DNAH11: variants seen among roughly 807,000 people sequenced by gnomAD.
The protein encoded by DNAH11 is dynein axonemal heavy chain 11.
In DNAH11, 442 loss-of-function variants were observed where a neutral mutation model predicts 526.0. The observed-to-expected ratio is 0.84, with a 90% CI of 0.78 to 0.91. DNAH11 has a LOEUF of 0.91. DNAH11 is among the 40% of genes least tolerant of loss of function. The pLI is 0.00. For missense variants in DNAH11, 6,989 were observed against 5,448.7 expected (o/e 1.28, Z -8.90); for synonymous variants, 2,461 against 1,935.9 (o/e 1.27, Z -7.12).
At chr7:21,863,346 T>G (rs979682638) in intron 69 of DNAH11, among the ~76,000 whole-genome samples, 2 of 152,212 alleles carry the variant, frequency 1.3e-5, no homozygotes, top group Non-Finnish European at 2.9e-5. Context: ...TTGTTTGTTT[T>G]GAGACGGAGT....
At position 21,832,677 on chromosome 7, in the gene DNAH11, G is replaced by A. The variant is rs139458638; in HGVS notation, c.10692-9867G>A. On this transcript the variant is annotated intron_variant, in intron 65 of 81. Coordinates refer to ENST00000409508, the MANE Select transcript of DNAH11 (RefSeq NM_001277115.2). ...TAGTGGCTAATTGGAAAAATTAGCTGCTATTGCTTTGAGAAGAGATTACAC... is the reference window on the plus strand; with the variant it reads ...TAGTGGCTAATTGGAAAAATTAGCTACTATTGCTTTGAGAAGAGATTACAC... Among the ~76,000 whole-genome samples, 1,466 of 152,274 alleles carry A rather than the reference G, an allele frequency of 9.6e-3. 13 individuals carry two copies. Among genetic ancestry groups the A allele is most frequent in the Non-Finnish European group, 0.018 (1,208 of 68,022 alleles).
intron 20 of DNAH11, among the ~76,000 whole-genome samples, chr7:21,609,880 G>C (rs911912565): frequency 1.3e-5 from 2 of 152,170 alleles, no homozygotes; most frequent in African/African-American, 2.4e-5. Flanking sequence ...TTGGAGAGTG[G>C]GCTAGGGAAG....
At position 21,590,665 on chromosome 7, in the gene DNAH11, A is replaced by G. The variant is rs11768728; in HGVS notation, c.2170-253A>G. Among the ~76,000 whole-genome samples, 21,076 of 152,202 alleles carry G rather than the reference A, an allele frequency of 0.14. 1,531 individuals are homozygous for G. The highest frequency in any genetic ancestry group is 0.18 in the Middle Eastern group (53 of 294). ...ACATAGTTAACTGAGGATTCGTTCT[A>G]CTTTCTGATTTCATAAAACCAATTT... On this transcript the variant is annotated intron_variant, in intron 12 of 81. Transcript: ENST00000409508.
chr7:21,617,062 G>A (rs929464684), intron 22 of DNAH11, among the ~76,000 whole-genome samples: 1 of 152,026 alleles, frequency 6.6e-6, no homozygotes, highest in South Asian at 2.1e-4. Flanking sequence ...CCTTTATTTC[G>A]TGCTAAGTTC....
rs117685349 is a variant in DNAH11 at position 21,628,093 on chromosome 7, T to C, written c.4501-7778T>C. On this transcript the variant is annotated intron_variant, in intron 25 of 81. Transcript: ENST00000409508. ...TCTTGATTTCTTTTTTCAAATGTTT[T>C]CTGTTGGTACATATAAATGCAACTG... Among the ~76,000 whole-genome samples, 1,460 of 152,302 alleles carry C rather than the reference T, an allele frequency of 9.6e-3. 14 individuals carry two copies. The highest frequency in any genetic ancestry group is 0.018 in the Admixed American group (271 of 15,294).
intron 3 of DNAH11, 54 bp downstream of exon 3, chr7:21,559,052 C>T (rs775322103): frequency 1.0e-4 from 150 of 1,466,720 alleles, no homozygotes; most frequent in South Asian, 2.5e-4. Context: ...CAGGCCAGCA[C>T]GGTGGCTCAT....
At chr7:21,566,391 C>T (rs146761389) in intron 6 of DNAH11, among the ~76,000 whole-genome samples, 53 of 152,200 alleles carry the variant, frequency 3.5e-4, no homozygotes, top group Middle Eastern at 6.8e-3. Flanking sequence ...TGTTAGGAGT[C>T]AAAAGTTAAC....
chr7:21,855,205 G>A (rs1782796204), intron 68 of DNAH11, among the ~76,000 whole-genome samples: 1 of 151,882 alleles, frequency 6.6e-6, no homozygotes, highest in African/African-American at 2.4e-5. Flanking sequence ...CTAATTTTTT[G>A]TATTTTTAGA....
rs1026377539 is a variant in DNAH11 at position 21,861,836 on chromosome 7, C to T, written c.11203-17C>T. The T allele has an allele frequency of 1.2e-6, 2 of 1,609,364 alleles. No individual in the cohort carries two copies. Among genetic ancestry groups the T allele is most frequent in the Non-Finnish European group, 8.5e-7 (1 of 1,178,248 alleles). On this transcript the variant is annotated splice_polypyrimidine_tract_variant and intron_variant, in intron 68 of 81. Coordinates refer to ENST00000409508, the MANE Select transcript of DNAH11 (RefSeq NM_001277115.2). The stretch of plus-strand genomic sequence containing the variant: ...GCACCAGTTGTCACATTTTAATGGT[C>T]ACATTAAATTTCCCAGGCTTTTAAC...
At chr7:21,832,639 G>A (rs901446841) in intron 65 of DNAH11, among the ~76,000 whole-genome samples, 3 of 152,170 alleles carry the variant, frequency 2.0e-5, no homozygotes, top group Admixed American at 1.3e-4. Context: ...AGAGGAAGGA[G>A]CATCGTTATA....
chr7:21,736,405 G>A (rs557635917), intron 46 of DNAH11, among the ~76,000 whole-genome samples: 58 of 152,254 alleles, frequency 3.8e-4, no homozygotes, highest in South Asian at 2.1e-3. Flanking sequence ...GGAAATCACC[G>A]AAAGAGCTGA....
chr7:21,634,522 G>T (rs1203726825), intron 25 of DNAH11, among the ~76,000 whole-genome samples: 4 of 152,206 alleles, frequency 2.6e-5, no homozygotes, highest in Non-Finnish European at 5.9e-5. Context: ...ATTGTACTCA[G>T]TGACTTTCTG....
intron 25 of DNAH11, among the ~76,000 whole-genome samples, chr7:21,622,984 G>C (rs1023224572): frequency 6.6e-6 from 1 of 151,888 alleles, no homozygotes; most frequent in African/African-American, 2.4e-5. Flanking sequence ...TAATTAAACT[G>C]AAGAGCTTCT....
At chr7:21,583,605 C>T (rs545020263) in intron 9 of DNAH11, among the ~76,000 whole-genome samples, 12 of 152,232 alleles carry the variant, frequency 7.9e-5, no homozygotes, top group South Asian at 2.1e-4. Context: ...AACTAAAATG[C>T]GTCTCCACAG....
intron 54 of DNAH11, among the ~76,000 whole-genome samples, chr7:21,760,007 G>C (rs1786826128): frequency 6.6e-6 from 1 of 152,158 alleles, no homozygotes; most frequent in Non-Finnish European, 1.5e-5. Context: ...TTTGAGAAAA[G>C]AGCACAGCTG....
chr7:21,572,412 T>C (rs1211838007), intron 8 of DNAH11, among the ~76,000 whole-genome samples: 1 of 152,204 alleles, frequency 6.6e-6, no homozygotes, highest in Non-Finnish European at 1.5e-5. Flanking sequence ...ATTTTTGTTA[T>C]TCTTGAGAGC....
rs1158955891 is a variant in DNAH11, at chr7:21,880,843, C to T, written c.12337C>T (p.Leu4113Phe). 3 of 1,613,680 alleles carry T rather than the reference C, an allele frequency of 1.9e-6. No individual in the cohort carries two copies. Among genetic ancestry groups the T allele is most frequent in the Non-Finnish European group, 2.5e-6 (3 of 1,179,834 alleles). ...SRSYPFNPGD[L>F]TICASVLYNY... is the part of the protein sequence containing the mutation. ...AAGCTATCCTTTTAATCCTGGAGAC[C>T]TCACCATTTGTGCCAGTGTCCTCTA... is the stretch of plus-strand genomic sequence containing the variant. The change falls in exon 75 of 82, where the codon CTC (leucine) becomes TTC (phenylalanine). Residue 4113 changes from leucine to phenylalanine, a missense_variant. Transcript: ENST00000409508.
At chr7:21,556,362 G>A (rs1397241693) in intron 2 of DNAH11, among the ~76,000 whole-genome samples, 1 of 152,204 alleles carries the variant, frequency 6.6e-6, no homozygotes, top group Non-Finnish European at 1.5e-5. Flanking sequence ...AGTAAATAGA[G>A]TGAAGTCTGA....
rs369704964 is a variant in DNAH11, at chr7:21,690,833, G to A, written c.5993G>A (p.Gly1998Asp). Residue 1998 changes from glycine to aspartate, a missense_variant, in exon 35 of 82, where the codon GGT (glycine) becomes GAT (aspartate). Transcript: ENST00000409508. ...SVGIFITMNP[G>D]YAGRTELPEN... Reference sequence around the variant, plus strand: ...GGAATATTTATTACTATGAACCCGGGTTATGCTGGTCGAACCGAATTACCG... The same window carrying A: ...GGAATATTTATTACTATGAACCCGGATTATGCTGGTCGAACCGAATTACCG... The A allele has an allele frequency of 3.0e-5, 49 of 1,612,662 alleles. No homozygotes were observed. The Admixed American group carries it at 6.4e-4, about 21-fold the overall frequency.
Sources: allele counts gnomAD v4.1 joint callset (sites outside exome capture counted in the v4.1 genomes callset), GRCh38; gene constraint gnomAD v4.1.1; transcripts MANE v1.5; gene names NCBI Gene and HGNC (gene_info 2026-07-23, HGNC 2026-07-21).